Variants in EPAS1 observed in about 807,000 individuals in gnomAD.
EPAS1 encodes endothelial PAS domain-containing protein 1.
Under a neutral mutation model 87.9 loss-of-function variants are expected in EPAS1, and 23 were observed. The ratio of observed to expected loss-of-function variants is 0.26; its 90% CI spans 0.19 to 0.37. EPAS1 has a LOEUF of 0.37. Among genes scored for constraint, EPAS1 ranks in the 10% least tolerant of loss-of-function variants. The pLI is 1.00. For synonymous variants in EPAS1, 508 were observed against 444.3 expected, an observed-to-expected ratio of 1.14 and a Z score of -1.80; for missense variants, 1,138 against 1,120.7, an observed-to-expected ratio of 1.02 and a Z score of -0.22.
At position 46,346,779 on chromosome 2, in the gene EPAS1, T is replaced by G. The variant is rs1186586321; in HGVS notation, c.27-94T>G. On this transcript the variant is annotated intron_variant, in intron 1 of 15. Coordinates refer to ENST00000263734, the MANE Select transcript of EPAS1 (RefSeq NM_001430.5). This position sits in a 1 kb window ranked among gnomAD's most constrained non-coding sequence, Gnocchi z 4.0. ...GATCAGTCTAGTAAGGGAGTGTGGCTGCACTGGGGGTTGGGGCCATGGGGA... is the reference window on the plus strand; with the variant it reads ...GATCAGTCTAGTAAGGGAGTGTGGCGGCACTGGGGGTTGGGGCCATGGGGA... The G allele has an allele frequency of 7.5e-7, 1 of 1,336,490 alleles. No homozygotes were observed. Among genetic ancestry groups the G allele is most frequent in the Non-Finnish European group, 1.1e-6 (1 of 948,372 alleles). The allele number at this position is 1,336,490 out of a possible 1,614,324, so 82.8% of individuals were successfully genotyped here. A position where few individuals can be genotyped will look rare whatever the true frequency, so the allele number is the denominator to read the frequency against.
In EPAS1 at chr2:46,378,674, C is replaced by T. The variant is rs762362917; in HGVS notation, c.1461C>T (p.Asp487=). 3.7e-6 allele frequency: 6 copies of T among 1,614,000 alleles called. No individual in the cohort carries two copies. The South Asian group carries it at 6.6e-5, about 18-fold the overall frequency. Reference sequence around the variant, plus strand: ...GCCCCTAGCCCAATAGCCCTGAAGACTATTACACATCTTTGGATAACGACC... The same window carrying T: ...GCCCCTAGCCCAATAGCCCTGAAGATTATTACACATCTTTGGATAACGACC... ...SSCSTPNSPE[D]YYTSLDNDLK... is the part of the protein sequence containing the mutation. The change falls in exon 11 of 16, where the codon GAC becomes GAT. Residue 487 remains aspartate, a synonymous_variant. Transcript: ENST00000263734.
chr2:46,312,011 C>G (rs1262161226), intron 1 of EPAS1, among the ~76,000 whole-genome samples: 1 of 152,178 alleles, frequency 6.6e-6, no homozygotes, highest in Non-Finnish European at 1.5e-5. Flanking sequence ...CCTTGTATGG[C>G]TCCAAATATT....
chr2:46,318,426 A>G (rs891149512), intron 1 of EPAS1, among the ~76,000 whole-genome samples: 1 of 152,234 alleles, frequency 6.6e-6, no homozygotes, highest in Non-Finnish European at 1.5e-5. Context: ...AGCACATACT[A>G]TTGGAAAAAT....
intron 1 of EPAS1, among the ~76,000 whole-genome samples, chr2:46,339,072 A>C (rs977930388): frequency 1.4e-4 from 21 of 152,230 alleles, no homozygotes; most frequent in African/African-American, 5.1e-4. Flanking sequence ...AACCATAACG[A>C]AAAGCAATAA....
chr2:46,379,683 C>G (rs1684841373), intron 11 of EPAS1: 3 of 174,384 alleles, frequency 1.7e-5, no homozygotes, highest in Non-Finnish European at 3.7e-5. Context: ...AAGGGATGAT[C>G]TGAGTATCTG....
chr2:46,299,261 C>A (rs550663042), intron 1 of EPAS1, among the ~76,000 whole-genome samples: 2 of 152,348 alleles, frequency 1.3e-5, no homozygotes, highest in African/African-American at 4.8e-5. Context: ...TCGCGCCTGT[C>A]CTGGCTCGGC....
At chr2:46,348,133 G>T (rs1457704868) in intron 2 of EPAS1, among the ~76,000 whole-genome samples, 2 of 152,224 alleles carry the variant, frequency 1.3e-5, no homozygotes, top group Non-Finnish European at 2.9e-5. Flanking sequence ...TGTAGTACAG[G>T]AAGGATATGG....
At chr2:46,338,956 G>A (rs796119438) in intron 1 of EPAS1, among the ~76,000 whole-genome samples, 2 of 152,288 alleles carry the variant, frequency 1.3e-5, no homozygotes, top group East Asian at 1.9e-4. Context: ...AGGTGGCTAC[G>A]GGGAGCTGGC....
At chr2:46,381,899 G>GGGGCC in intron 13 of EPAS1, 76 bp from the exon 14 acceptor site, 6 of 1,346,820 alleles carry the variant, frequency 4.5e-6, no homozygotes, top group African/African-American at 1.4e-5. Flanking sequence ...CCTGTTCCAG[G>GGGGCC]CCCACCCAAC....
At chr2:46,378,590 C>A in intron 10 of EPAS1, 67 bp from the exon 11 acceptor site, 1 of 1,371,538 alleles carries the variant, frequency 7.3e-7, no homozygotes, top group Non-Finnish European at 1.0e-6. Flanking sequence ...TTTCTTCTTC[C>A]ATGCTGGACT....
chr2:46,314,426 A>G (rs1683273956), intron 1 of EPAS1, among the ~76,000 whole-genome samples: 1 of 152,044 alleles, frequency 6.6e-6, no homozygotes, highest in Admixed American at 6.5e-5. Context: ...CTACAGCCCC[A>G]TTTCTACCCA....
chr2:46,331,806 T>C (rs1287571361), intron 1 of EPAS1, among the ~76,000 whole-genome samples: 1 of 152,086 alleles, frequency 6.6e-6, no homozygotes, highest in Non-Finnish European at 1.5e-5. Context: ...TCCACTTAGG[T>C]CTCCCTACAC....
At chr2:46,313,012 T>C (rs1683244464) in intron 1 of EPAS1, among the ~76,000 whole-genome samples, 1 of 152,228 alleles carries the variant, frequency 6.6e-6, no homozygotes, top group Non-Finnish European at 1.5e-5. Flanking sequence ...TTGCATCTTA[T>C]GAGCAAGACC....
intron 1 of EPAS1, among the ~76,000 whole-genome samples, chr2:46,328,090 T>C (rs970454855): frequency 6.6e-6 from 1 of 152,208 alleles, no homozygotes; most frequent in Admixed American, 6.5e-5. Flanking sequence ...AGAGTCCATA[T>C]GCAGATCGGG....
At chr2:46,355,986 G>A (rs1684261518) in intron 2 of EPAS1, 165 bp from the exon 3 acceptor site, 3 of 738,172 alleles carry the variant, frequency 4.1e-6, no homozygotes, top group Non-Finnish European at 2.4e-6. Context: ...GTGCAGTGGT[G>A]CCTGCTGCCA....
chr2:46,324,557 C>T (rs1683516416), intron 1 of EPAS1, among the ~76,000 whole-genome samples: 1 of 152,188 alleles, frequency 6.6e-6, no homozygotes, highest in South Asian at 2.1e-4. Flanking sequence ...TCTGGCCAAA[C>T]CAAGACACAG....
At chr2:46,310,903 G>A (rs974353790) in intron 1 of EPAS1, among the ~76,000 whole-genome samples, 15 of 152,206 alleles carry the variant, frequency 9.9e-5, no homozygotes, top group African/African-American at 3.4e-4. Flanking sequence ...TTGAGACGGA[G>A]TCTCGCTCTG....
chr2:46,375,969 C>A lies in EPAS1; in HGVS notation c.1034+132C>A. The stretch of plus-strand genomic sequence containing the variant: ...TGGGCACCACCTCAGGGAGGTCTTG[C>A]AGGGCTAACCCTAGTGACTGAGAGG... On this transcript the variant is annotated intron_variant, in intron 8 of 15. Coordinates refer to ENST00000263734, the MANE Select transcript of EPAS1 (RefSeq NM_001430.5). The surrounding 1 kb of genome is among the most constrained non-coding windows in gnomAD (Gnocchi z 4.1). The A allele has an allele frequency of 8.3e-7, 1 of 1,200,572 alleles. No individual in the cohort carries two copies. Among genetic ancestry groups the A allele is most frequent in the Non-Finnish European group, 1.2e-6 (1 of 816,106 alleles). 74.4% of individuals were successfully genotyped at this position (1,200,572 alleles called of 1,614,324 possible).
intron 1 of EPAS1, among the ~76,000 whole-genome samples, chr2:46,330,199 G>A (rs955786004): frequency 1.3e-5 from 2 of 152,122 alleles, no homozygotes; most frequent in African/African-American, 4.8e-5. Context: ...CTCTGCCCCT[G>A]ACCCCCGTGA....
Sources: gnomAD v4.1 joint callset for allele counts (sites outside exome capture counted in the v4.1 genomes callset) on GRCh38, gnomAD v4.1.1 for gene constraint, Gnocchi (gnomAD v3.1) non-coding constraint, MANE v1.5 for transcripts, NCBI Gene and HGNC (gene_info 2026-07-23, HGNC 2026-07-21) for gene names.